Variants in MMP16 observed in about 807,000 individuals in gnomAD.
MMP16 encodes matrix metallopeptidase 16, also known as matrix metalloproteinase-16.
In MMP16, 12 loss-of-function variants were observed where a neutral mutation model predicts 67.8. The observed-to-expected ratio is 0.18, with a 90% CI of 0.11 to 0.29. MMP16 has a LOEUF of 0.29. Among genes scored for constraint, MMP16 ranks in the 10% least tolerant of loss-of-function variants. The pLI is 1.00. For synonymous variants in MMP16, 249 were observed against 255.9 expected, an observed-to-expected ratio of 0.97 and a Z score of 0.26; for missense variants, 475 against 765.7, an observed-to-expected ratio of 0.62 and a Z score of 4.48.
chr8:88,242,358 A>G (rs1047631010), intron 1 of MMP16, among the ~76,000 whole-genome samples: 6 of 152,242 alleles, frequency 3.9e-5, no homozygotes, highest in African/African-American at 7.2e-5. Context: ...AAATTTCTAT[A>G]TCAGTTGTCA....
intron 1 of MMP16, among the ~76,000 whole-genome samples, chr8:88,294,768 G>A (rs569481717): frequency 3.3e-5 from 5 of 152,178 alleles, no homozygotes; most frequent in East Asian, 1.9e-4. Flanking sequence ...AGGCTGGAGC[G>A]CAGTGGTGCA....
At chr8:88,302,098 C>T (rs1811113188) in intron 1 of MMP16, among the ~76,000 whole-genome samples, 2 of 152,152 alleles carry the variant, frequency 1.3e-5, no homozygotes. Context: ...CTGCCATTAA[C>T]CTTCTATGAA....
At chr8:88,094,316 C>T (rs1459987621) in intron 6 of MMP16, among the ~76,000 whole-genome samples, 5 of 151,566 alleles carry the variant, frequency 3.3e-5, no homozygotes. Flanking sequence ...TATATATAGA[C>T]TAACTTATAA....
Position 88,196,429 on chromosome 8 carries a change from A to G in MMP16, c.281+729T>C, listed in dbSNP as rs151188211. On this transcript the variant is annotated intron_variant, in intron 2 of 9. Coordinates refer to ENST00000286614, the MANE Select transcript of MMP16 (RefSeq NM_005941.5). ...ATTATGTCTATCTATGCAGAAGATAAGAATTAAGCTCCTTTGATGAAGAGA... is the reference window on the plus strand; with the variant it reads ...ATTATGTCTATCTATGCAGAAGATAGGAATTAAGCTCCTTTGATGAAGAGA... Among the ~76,000 whole-genome samples the G allele has an allele frequency of 2.2e-3, 337 of 152,318 alleles. 4 individuals carry two copies. Among genetic ancestry groups the G allele is most frequent in the African/African-American group, 6.6e-3 (276 of 41,588 alleles).
chr8:88,165,447 A>G (rs1038909048), intron 4 of MMP16, among the ~76,000 whole-genome samples: 1 of 152,008 alleles, frequency 6.6e-6, no homozygotes, highest in Non-Finnish European at 1.5e-5. Flanking sequence ...TTATCTTTTC[A>G]GAATATCAAA....
rs1235366867 is a variant in MMP16 at position 88,035,298 on chromosome 8, T to C, written c.*6163A>G. 1 of 152,080 alleles carries C rather than the reference T, an allele frequency of 6.6e-6. No individual in the cohort carries two copies. The highest frequency in any genetic ancestry group is 2.4e-5 in the African/African-American group (1 of 41,450). 9.4% of individuals were successfully genotyped at this position (152,080 alleles called of 1,614,324 possible). A position where few individuals can be genotyped will look rare whatever the true frequency, so the allele number is the denominator to read the frequency against. The stretch of plus-strand genomic sequence containing the variant: ...CAGCAGAGCACATGGGAAAGTTATA[T>C]GAATCTGTACAACATTCTAGTTTAT... On this transcript the variant is annotated 3_prime_UTR_variant, in exon 10 of 10. Coordinates refer to ENST00000286614, the MANE Select transcript of MMP16 (RefSeq NM_005941.5). This position sits in a 1 kb window ranked among gnomAD's most constrained non-coding sequence, Gnocchi z 4.7.
At chr8:88,174,259 A>G (rs1001233633) in intron 3 of MMP16, among the ~76,000 whole-genome samples, 2 of 152,212 alleles carry the variant, frequency 1.3e-5, no homozygotes, top group Admixed American at 1.3e-4. Context: ...CAATTTAGGT[A>G]TCTGTCCCAT....
intron 1 of MMP16, among the ~76,000 whole-genome samples, chr8:88,308,313 C>G (rs899413836): frequency 6.6e-6 from 1 of 152,006 alleles, no homozygotes; most frequent in Non-Finnish European, 1.5e-5. Flanking sequence ...GAGGCTAAGA[C>G]GTAGGAGGCA....
intron 1 of MMP16, among the ~76,000 whole-genome samples, chr8:88,284,452 G>A (rs1461813503): frequency 6.6e-6 from 1 of 151,974 alleles, no homozygotes; most frequent in African/African-American, 2.4e-5. Flanking sequence ...CTGACTTTAA[G>A]AGAGAAGTTA....
At chr8:88,277,398 G>C (rs1034057102) in intron 1 of MMP16, among the ~76,000 whole-genome samples, 9 of 152,108 alleles carry the variant, frequency 5.9e-5, no homozygotes, top group African/African-American at 2.2e-4. Context: ...CTCCACCCAG[G>C]TGTGCTATCA....
intron 1 of MMP16, among the ~76,000 whole-genome samples, chr8:88,288,007 C>G (rs1328503139): frequency 6.6e-6 from 1 of 152,198 alleles, no homozygotes; most frequent in Non-Finnish European, 1.5e-5. Context: ...TCATATATTT[C>G]AAACGTAACA....
chr8:88,264,619 C>T (rs1341754997), intron 1 of MMP16, among the ~76,000 whole-genome samples: 1 of 152,178 alleles, frequency 6.6e-6, no homozygotes, highest in African/African-American at 2.4e-5. Flanking sequence ...AAGTGTCGGG[C>T]ACATGCAGGT....
chr8:88,045,447 T>A (rs1808186922), intron 9 of MMP16, among the ~76,000 whole-genome samples: 1 of 152,138 alleles, frequency 6.6e-6, no homozygotes, highest in Admixed American at 6.5e-5. Flanking sequence ...CTCAGCTCAC[T>A]GCAACCTCCT....
chr8:88,224,809 TCA>T (rs1420236139), intron 1 of MMP16, among the ~76,000 whole-genome samples: 11 of 152,010 alleles, frequency 7.2e-5, no homozygotes, highest in Non-Finnish European at 1.5e-4. Context: ...TCTGAGAACC[TCA>T]GAGAGTTAAT....
At chr8:88,153,299 T>A (rs1204651279) in intron 4 of MMP16, among the ~76,000 whole-genome samples, 1 of 152,080 alleles carries the variant, frequency 6.6e-6, no homozygotes, top group Non-Finnish European at 1.5e-5. Context: ...CCCAAGGTAA[T>A]TTACAGATTC....
intron 7 of MMP16, among the ~76,000 whole-genome samples, chr8:88,064,729 T>G (rs770207274): frequency 6.6e-6 from 1 of 152,114 alleles, no homozygotes; most frequent in Non-Finnish European, 1.5e-5. Flanking sequence ...GGCTCAATAT[T>G]TGGAGTATGT....
intron 1 of MMP16, among the ~76,000 whole-genome samples, chr8:88,290,899 A>G (rs2130017919): frequency 6.6e-6 from 1 of 152,338 alleles, no homozygotes; most frequent in South Asian, 2.1e-4. Context: ...TGTAAATATA[A>G]TAGAAGAAAT....
In MMP16 at chr8:88,034,042, A is replaced by AG. The variant is rs1808020305; in HGVS notation, c.*7418dup. 1 of 151,992 alleles carries AG rather than the reference A, an allele frequency of 6.6e-6. No homozygotes were observed. Among genetic ancestry groups the AG allele is most frequent in the African/African-American group, 2.4e-5 (1 of 41,430 alleles). 9.4% of individuals were successfully genotyped at this position (151,992 alleles called of 1,614,324 possible). On this transcript the variant is annotated 3_prime_UTR_variant, in exon 10 of 10. Coordinates refer to ENST00000286614, the MANE Select transcript of MMP16 (RefSeq NM_005941.5). ...TCATACTCAGCATTTCACTTTTCTCAGGGGAATAGCTCTATAAAAAGTTAG... is the reference window on the plus strand; with the variant it reads ...TCATACTCAGCATTTCACTTTTCTCAGGGGGAATAGCTCTATAAAAAGTTAG...
intron 4 of MMP16, among the ~76,000 whole-genome samples, chr8:88,122,966 AC>A (rs1036628547): frequency 1.3e-5 from 2 of 150,124 alleles, no homozygotes; most frequent in African/African-American, 4.9e-5. Flanking sequence ...GAATTTTCCA[AC>A]CCCTTCATAT....
Sources: allele counts gnomAD v4.1 joint callset (sites outside exome capture counted in the v4.1 genomes callset), GRCh38; gene constraint gnomAD v4.1.1; non-coding constraint Gnocchi (gnomAD v3.1); transcripts MANE v1.5; gene names NCBI Gene and HGNC (gene_info 2026-07-23, HGNC 2026-07-21).